Variants in DHX8 observed in about 807,000 individuals in gnomAD.
DHX8 encodes DEAH-box helicase 8.
In DHX8, 67 loss-of-function variants were observed where a neutral mutation model predicts 140.7. That is an observed-to-expected ratio of 0.48 (90% CI 0.39 to 0.58). The LOEUF (loss-of-function observed/expected upper bound fraction) is 0.58, where lower values mean the gene tolerates loss of function less well. DHX8 is among the 20% of genes least tolerant of loss of function. DHX8 has a pLI of 0.00. For missense variants in DHX8, 887 were observed against 1,550.7 expected (o/e 0.57, Z 7.19); for synonymous variants, 533 against 553.2 (o/e 0.96, Z 0.51).
intron 15 of DHX8, 124 bp downstream of exon 15, chr17:43,508,143 G>A: frequency 8.8e-7 from 1 of 1,140,252 alleles, no homozygotes; most frequent in Non-Finnish European, 1.2e-6. Context: ...TCATCTCTCT[G>A]CAAGCCTCAG....
At chr17:43,532,209 T>TAA (rs1313239215) in intron 2 of DHX8, among the ~76,000 whole-genome samples, 4 of 152,144 alleles carry the variant, frequency 2.6e-5, no homozygotes, top group Non-Finnish European at 5.9e-5. Flanking sequence ...CATTGAAAAG[T>TAA]AATAATTTGT....
chr17:43,521,658 C>T, intron 21 of DHX8, 93 bp downstream of exon 21: 1 of 1,205,342 alleles, frequency 8.3e-7, no homozygotes, highest in Non-Finnish European at 1.2e-6. Flanking sequence ...AAGCTATAGG[C>T]ACCTTTTCTC....
At chr17:43,531,701 AAAAC>A (rs1487595097), downstream of DHX8, among the ~76,000 whole-genome samples, 3 of 152,210 alleles carry the variant, frequency 2.0e-5, no homozygotes, top group Non-Finnish European at 2.9e-5. Flanking sequence ...ACTCTGTCTC[AAAAC>A]AAACAAAACA....
At chr17:43,507,221 G>A (rs769196911) in intron 13 of DHX8, 24 bp downstream of exon 13, 105 of 1,576,040 alleles carry the variant, frequency 6.7e-5, no homozygotes, top group Non-Finnish European at 7.5e-5. Context: ...GGAGTCGCTC[G>A]AAAAATACCA....
At chr17:43,495,243 A>G (rs1168755443) in intron 8 of DHX8, among the ~76,000 whole-genome samples, 3 of 152,210 alleles carry the variant, frequency 2.0e-5, no homozygotes, top group Non-Finnish European at 4.4e-5. Flanking sequence ...CAGAGGAGAC[A>G]GATCTAAACA....
downstream of DHX8, chr17:43,529,730 C>T: frequency 6.3e-7 from 1 of 1,590,448 alleles, no homozygotes; most frequent in Non-Finnish European, 8.6e-7. Flanking sequence ...GTCCCCCAAG[C>T]AACCGCCTCC....
chr17:43,490,466 A>C lies in DHX8; in HGVS notation c.307+3A>C. 1 of 1,612,332 alleles carries C rather than the reference A, an allele frequency of 6.2e-7. No individual in the cohort carries two copies. Among genetic ancestry groups the C allele is most frequent in the Non-Finnish European group, 8.5e-7 (1 of 1,178,860 alleles). ...AGCGAAGCCTTCCACTAGCAAAGGT[A>C]AGCAGAGCTTCCAGCTGAGCTTAGC... On this transcript the variant is annotated splice_donor_region_variant and intron_variant, in intron 3 of 22. Transcript: ENST00000262415.
intron 2 of DHX8, chr17:43,532,846 C>G (rs756885928): frequency 6.2e-7 from 1 of 1,613,614 alleles, no homozygotes; most frequent in East Asian, 2.2e-5. Context: ...AGGGCTCCGA[C>G]AGCTGGTGTT....
chr17:43,493,662 T>TC (rs1203450478), intron 7 of DHX8, 21 bp from the exon 8 acceptor site: 3 of 1,614,050 alleles, frequency 1.9e-6, no homozygotes, highest in Admixed American at 3.3e-5. Context: ...GTGAGACAGC[T>TC]CCCTTGTTTT....
downstream of DHX8, chr17:43,529,973 T>C (rs1182544049): frequency 1.9e-6 from 3 of 1,613,662 alleles, no homozygotes; most frequent in Non-Finnish European, 2.5e-6. Context: ...AAATTGGGGG[T>C]TGCTCAGATC....
At chr17:43,506,821 A>G (rs1264354187) in intron 12 of DHX8, among the ~76,000 whole-genome samples, 182 bp from the exon 13 acceptor site, 1 of 152,156 alleles carries the variant, frequency 6.6e-6, no homozygotes, top group Non-Finnish European at 1.5e-5. Context: ...TGTATCTTTT[A>G]AATTCATTGT....
chr17:43,533,602 A>G (rs963399574), intron 2 of DHX8, among the ~76,000 whole-genome samples: 1 of 151,854 alleles, frequency 6.6e-6, no homozygotes, highest in Non-Finnish European at 1.5e-5. Flanking sequence ...GCTCAGAGCA[A>G]TGGTTTAGGT....
downstream of DHX8, chr17:43,526,006 T>C: frequency 1.0e-6 from 1 of 985,418 alleles, no homozygotes. Context: ...TCTGTGGGTG[T>C]TCCTTGACCA....
chr17:43,484,312 G>A (rs1967992358), intron 1 of DHX8, 127 bp downstream of exon 1: 1 of 1,171,742 alleles, frequency 8.5e-7, no homozygotes, highest in African/African-American at 1.5e-5. Flanking sequence ...CTCTGTCGCA[G>A]ACACCGGTGC....
At chr17:43,531,254 G>T (rs576994349), downstream of DHX8, among the ~76,000 whole-genome samples, 2 of 152,318 alleles carry the variant, frequency 1.3e-5, no homozygotes, top group African/African-American at 4.8e-5. Context: ...GGCTACTAAT[G>T]TAACAAAAGC....
chr17:43,493,189 T>C, intron 6 of DHX8, 149 bp downstream of exon 6: 1 of 1,215,480 alleles, frequency 8.2e-7, no homozygotes, highest in Non-Finnish European at 1.1e-6. Context: ...TCTTTTGAAA[T>C]GTTACAGAGC....
At position 43,520,058 on chromosome 17, in the gene DHX8, A is replaced by C. The variant is rs549107509; in HGVS notation, c.2800-72A>C. ...TGAAGAAATGGGAAATAAAGTAACA[A>C]GTAGCTTCCCCACATGCTGACACTG... On this transcript the variant is annotated intron_variant, in intron 18 of 22. Transcript: ENST00000262415. 2.2e-5 allele frequency: 34 copies of C among 1,561,492 alleles called. No homozygotes were observed. The African/African-American group carries it at 4.2e-4, about 19-fold the overall frequency.
At chr17:43,499,098 G>A in intron 10 of DHX8, 139 bp downstream of exon 10, 2 of 612,518 alleles carry the variant, frequency 3.3e-6, no homozygotes, top group Non-Finnish European at 5.4e-6. Context: ...GTCTATAATA[G>A]TTTTATTTTA....
Position 43,533,901 on chromosome 17 carries a change from G to A in DHX8, c.351-2511G>A, listed in dbSNP as rs141079631. ...CTCGCCATGGTGGTAGGGGAGTGGC[G>A]GCTTCCTGCTGCAGGACAGGGCCGG... is the stretch of plus-strand genomic sequence containing the variant. On this transcript the variant is annotated intron_variant, in intron 2 of 3. Coordinates refer to the DHX8 transcript ENST00000589898. The A allele has an allele frequency of 4.8e-5, 76 of 1,596,748 alleles. No homozygotes were observed. The African/African-American group carries it at 5.4e-4, about 11-fold the overall frequency.
Sources: allele counts gnomAD v4.1 joint callset (sites outside exome capture counted in the v4.1 genomes callset), GRCh38; gene constraint gnomAD v4.1.1; transcripts MANE v1.5; gene names NCBI Gene and HGNC (gene_info 2026-07-23, HGNC 2026-07-21).